ADAM23: variants seen among roughly 807,000 people sequenced by gnomAD.
ADAM23 encodes the protein disintegrin and metalloproteinase domain-containing protein 23.
Under a neutral mutation model 120.1 loss-of-function variants are expected in ADAM23, and 33 were observed. The observed-to-expected ratio is 0.27, with a 90% confidence interval of 0.21 to 0.37. The LOEUF is 0.37. Ranked by LOEUF, ADAM23 falls within the 10% of genes least tolerant of loss-of-function variation. ADAM23 has a pLI of 1.00. For synonymous variants in ADAM23, 367 were observed against 375.2 expected, an observed-to-expected ratio of 0.98 and a Z score of 0.25; for missense variants, 862 against 1,058.2, an observed-to-expected ratio of 0.81 and a Z score of 2.57.
chr2:206,593,616 A>T (rs1244554996), intron 22 of ADAM23, among the ~76,000 whole-genome samples: 1 of 151,998 alleles, frequency 6.6e-6, no homozygotes, highest in Non-Finnish European at 1.5e-5. Flanking sequence ...TCTTAGTAAG[A>T]TCCCTCCTGG....
Position 206,547,454 on chromosome 2 carries a change from T to C in ADAM23, c.746T>C (p.Ile249Thr), listed in dbSNP as rs1160949928. Residue 249 changes from isoleucine (I) to threonine (T), a missense_variant, in exon 7 of 26, where the codon ATC (isoleucine) becomes ACC (threonine). By Grantham distance (89) the Ile-to-Thr change is moderately conservative. Around this residue, in one of 4 missense-constraint regions of ADAM23, gnomAD observed 617 missense variants for 813.5 expected, o/e 0.76. Coordinates refer to ENST00000264377, the MANE Select transcript of ADAM23 (RefSeq NM_003812.4). ...DEKSTGRPHI[I>T]QKTLAGQYSK... Reference sequence around the variant, plus strand: ...AAAAGCACAGGTCGACCACATATAATCCAGAAAACCTTGGCAGGACAGTAT... The same window carrying C: ...AAAAGCACAGGTCGACCACATATAACCCAGAAAACCTTGGCAGGACAGTAT... The C allele has an allele frequency of 1.9e-6, 3 of 1,613,080 alleles. No individual in the cohort carries two copies. Among genetic ancestry groups the C allele is most frequent in the Admixed American group, 1.7e-5 (1 of 59,910 alleles).
At position 206,619,719 on chromosome 2, in the gene ADAM23, G is replaced by A. The variant is rs542793991; in HGVS notation, c.*2092G>A. The A allele has an allele frequency of 6.6e-6, 1 of 152,178 alleles. No individual in the cohort carries two copies. Among genetic ancestry groups the A allele is most frequent in the East Asian group, 1.9e-4 (1 of 5,180 alleles). 9.4% of individuals were successfully genotyped at this position (152,178 alleles called of 1,614,324 possible). A position where few individuals can be genotyped will look rare whatever the true frequency, so the allele number is the denominator to read the frequency against. ...TTTTCCCCCGAGGTGTCTTTAACTG[G>A]GGAAGTACCACAAACATAGAGCAGA... On this transcript the variant is annotated 3_prime_UTR_variant, in exon 26 of 26. Transcript: ENST00000264377.
At chr2:206,492,155 A>T (rs1480515960) in intron 3 of ADAM23, among the ~76,000 whole-genome samples, 1 of 152,218 alleles carries the variant, frequency 6.6e-6, no homozygotes, top group Non-Finnish European at 1.5e-5. Context: ...AAAGTACAGG[A>T]TGTTTTTATC....
intron 3 of ADAM23, among the ~76,000 whole-genome samples, chr2:206,496,492 A>G (rs1411759589): frequency 6.6e-6 from 1 of 152,216 alleles, no homozygotes; most frequent in African/African-American, 2.4e-5. Context: ...TCTGGGACAC[A>G]TTCAAAGCAG....
chr2:206,444,921 CAG>C (rs1209543935), intron 1 of ADAM23, among the ~76,000 whole-genome samples: 4 of 152,130 alleles, frequency 2.6e-5, no homozygotes, highest in African/African-American at 4.8e-5. Flanking sequence ...TCTGTGGACT[CAG>C]AGAAGGGGTG....
intron 3 of ADAM23, among the ~76,000 whole-genome samples, chr2:206,491,895 C>G (rs1175689927): frequency 6.6e-6 from 1 of 152,164 alleles, no homozygotes; most frequent in African/African-American, 2.4e-5. Flanking sequence ...CATATTGACC[C>G]TCTGTGTTAG....
At chr2:206,602,839 G>A (rs1698664741) in intron 24 of ADAM23, among the ~76,000 whole-genome samples, 1 of 152,058 alleles carries the variant, frequency 6.6e-6, no homozygotes, top group South Asian at 2.1e-4. Flanking sequence ...GTAAACCTAG[G>A]TAGCAGGGAC....
chr2:206,559,677 G>T (rs905425096), intron 10 of ADAM23, among the ~76,000 whole-genome samples: 6 of 152,158 alleles, frequency 3.9e-5, no homozygotes, highest in Admixed American at 1.3e-4. Flanking sequence ...TTATGCCCTG[G>T]CTTTGGAATC....
chr2:206,591,946 C>CT (rs1360032004), intron 21 of ADAM23, among the ~76,000 whole-genome samples: 1 of 152,022 alleles, frequency 6.6e-6, no homozygotes, highest in East Asian at 1.9e-4. Context: ...CATGGATTTC[C>CT]TTTTTTTGTG....
chr2:206,482,549 A>G (rs1409758931), intron 3 of ADAM23, among the ~76,000 whole-genome samples: 1 of 152,142 alleles, frequency 6.6e-6, no homozygotes, highest in Non-Finnish European at 1.5e-5. Context: ...CTCCCAGTCA[A>G]TTAGTACATG....
At chr2:206,568,789 A>AGAGC (rs1386213877) in intron 15 of ADAM23, among the ~76,000 whole-genome samples, 1 of 152,248 alleles carries the variant, frequency 6.6e-6, no homozygotes, top group African/African-American at 2.4e-5. Flanking sequence ...GCAAACTGAG[A>AGAGC]GAGCAGCGAA....
intron 3 of ADAM23, among the ~76,000 whole-genome samples, chr2:206,494,170 A>G (rs1041120290): frequency 3.3e-5 from 5 of 152,314 alleles, no homozygotes; most frequent in Non-Finnish European, 7.3e-5. Flanking sequence ...TATACAATAC[A>G]GTATAATTAA....
chr2:206,539,781 C>T (rs1013441893), intron 4 of ADAM23, among the ~76,000 whole-genome samples: 4 of 152,112 alleles, frequency 2.6e-5, no homozygotes, highest in African/African-American at 4.8e-5. Context: ...TCTTACTTTG[C>T]AGTGGTCTGA....
chr2:206,509,445 CTTTTTTCTT>C (rs1574504772), intron 3 of ADAM23, among the ~76,000 whole-genome samples: 1 of 151,888 alleles, frequency 6.6e-6, no homozygotes. Context: ...TTTGTATTTT[CTTTTTTCTT>C]TTTTTTCTTT....
intron 3 of ADAM23, among the ~76,000 whole-genome samples, chr2:206,511,093 C>A (rs554911514): frequency 6.6e-6 from 1 of 152,060 alleles, no homozygotes; most frequent in Admixed American, 6.6e-5. Context: ...ATCATTGATT[C>A]CTGACTGTAT....
intron 3 of ADAM23, among the ~76,000 whole-genome samples, chr2:206,511,404 T>C (rs1339762514): frequency 1.3e-5 from 2 of 152,192 alleles, no homozygotes; most frequent in Admixed American, 6.5e-5. Context: ...CTTCCATGCA[T>C]GGGGACAGCT....
Position 206,561,362 on chromosome 2 carries a change from G to A in ADAM23, c.1254+150G>A. The A allele has an allele frequency of 5.9e-6, 4 of 681,634 alleles. No individual in the cohort carries two copies. In the South Asian group the frequency reaches 7.6e-5, roughly 13 times the overall value. 42.2% of individuals were successfully genotyped at this position (681,634 alleles called of 1,614,324 possible). A position where few individuals can be genotyped will look rare whatever the true frequency, so the allele number is the denominator to read the frequency against. On this transcript the variant is annotated intron_variant, in intron 12 of 25. Coordinates refer to ENST00000264377, the MANE Select transcript of ADAM23 (RefSeq NM_003812.4). ...GTTATTAATAAATAGAACCCAACGT[G>A]GTCCTTTTGGTTCATAGTGACATAT...
intron 5 of ADAM23, among the ~76,000 whole-genome samples, chr2:206,542,436 T>G (rs1179933875): frequency 6.6e-6 from 1 of 152,202 alleles, no homozygotes; most frequent in African/African-American, 2.4e-5. Context: ...CAGCGGCATA[T>G]TCCAGAGGAC....
At position 206,552,232 on chromosome 2, in the gene ADAM23, T is replaced by C. The variant is rs1213433969; in HGVS notation, c.933+2072T>C. 2.6e-5 allele frequency among the ~76,000 whole-genome samples: 4 copies of C among 152,198 alleles called. No individual in the cohort carries two copies. In the East Asian group the frequency reaches 7.7e-4, roughly 29 times the overall value. ...GTCTTTGAATGCACAAAGTGCATTC[T>C]CAAATAGCTGTTAATCTATAGAATC... On this transcript the variant is annotated intron_variant, in intron 9 of 25. Transcript: ENST00000264377.
Sources: allele counts gnomAD v4.1 joint callset (sites outside exome capture counted in the v4.1 genomes callset), GRCh38; gene constraint gnomAD v4.1.1; regional missense constraint gnomAD v4.1.1; transcripts MANE v1.5; gene names NCBI Gene and HGNC (gene_info 2026-07-23, HGNC 2026-07-21).